Variants in GMDS observed in about 807,000 individuals in gnomAD.
GMDS encodes GDP-mannose 4,6 dehydratase.
In GMDS, 20 loss-of-function variants were observed where a neutral mutation model predicts 49.9. The observed-to-expected ratio is 0.40, with a 90% CI of 0.28 to 0.58. The LOEUF is 0.58. Ranked by LOEUF, GMDS falls within the 20% of genes least tolerant of loss-of-function variation. The pLI, the probability that GMDS is intolerant of heterozygous loss-of-function variation, is 0.42. For synonymous variants in GMDS, 177 were observed against 178.6 expected (o/e 0.99, Z 0.07); for missense variants, 362 against 481.4 (o/e 0.75, Z 2.32).
intron 1 of GMDS, among the ~76,000 whole-genome samples, chr6:2,202,435 A>T (rs68131824): frequency 0.036 from 1,123 of 31,126 alleles, 6 homozygotes; most frequent in Non-Finnish European, 0.063. Context: ...ATTTCTTTCT[A>T]TTTTTTTTTT....
chr6:2,141,113 T>TA (rs1776264198), intron 1 of GMDS, among the ~76,000 whole-genome samples: 1 of 152,194 alleles, frequency 6.6e-6, no homozygotes, highest in African/African-American at 2.4e-5. Flanking sequence ...GGCTAAAATA[T>TA]ATTGTTAATA....
intron 9 of GMDS, among the ~76,000 whole-genome samples, chr6:1,702,923 T>G (rs1254801061): frequency 6.6e-6 from 1 of 152,220 alleles, no homozygotes; most frequent in Non-Finnish European, 1.5e-5. Flanking sequence ...TGTTGACTTA[T>G]GACTGCTGGG....
Position 1,906,757 on chromosome 6 carries a change from G to A in GMDS, c.771+23346C>T, listed in dbSNP as rs115784184. Reference sequence around the variant, plus strand: ...GCAGGGAGGGAGGACAAGGAAAGGAGTAGGAGCTCTCCCATCTGGGAGCTA... The same window carrying A: ...GCAGGGAGGGAGGACAAGGAAAGGAATAGGAGCTCTCCCATCTGGGAGCTA... On this transcript the variant is annotated intron_variant, in intron 7 of 10. Transcript: ENST00000380815. Among the ~76,000 whole-genome samples, 968 of 152,294 alleles carry A rather than the reference G, an allele frequency of 6.4e-3. 8 individuals are homozygous for A. The highest frequency in any genetic ancestry group is 0.022 in the African/African-American group (927 of 41,556).
chr6:1,670,671 ATATATTCTTCCTAAGGTAATAGTTCAG>A (rs1764392421), intron 9 of GMDS, among the ~76,000 whole-genome samples: 1 of 152,230 alleles, frequency 6.6e-6, no homozygotes, highest in African/African-American at 2.4e-5. Flanking sequence ...CATGCTCTAA[ATATATTCTTCCTAAGGTAATAGTTCAG>A]TAGTGCTAGA....
At chr6:1,634,171 G>A (rs1466305812) in intron 9 of GMDS, among the ~76,000 whole-genome samples, 1 of 152,194 alleles carries the variant, frequency 6.6e-6, no homozygotes, top group Non-Finnish European at 1.5e-5. Flanking sequence ...GCTGGCCACT[G>A]CAGCGGGACT....
At chr6:1,981,109 A>G (rs1194515068) in intron 4 of GMDS, among the ~76,000 whole-genome samples, 1 of 152,046 alleles carries the variant, frequency 6.6e-6, no homozygotes, top group Non-Finnish European at 1.5e-5. Flanking sequence ...CAAATTAACA[A>G]CCTAACATCA....
intron 4 of GMDS, among the ~76,000 whole-genome samples, chr6:1,979,369 A>G (rs866544908): frequency 6.6e-6 from 1 of 152,380 alleles, no homozygotes; most frequent in Non-Finnish European, 1.5e-5. Flanking sequence ...GCTAAGCTAA[A>G]AAACATGCTA....
At chr6:1,838,173 T>A (rs544346965) in intron 7 of GMDS, among the ~76,000 whole-genome samples, 2 of 152,144 alleles carry the variant, frequency 1.3e-5, no homozygotes, top group Non-Finnish European at 2.9e-5. Flanking sequence ...CCAACTCAGC[T>A]CCTACAACAT....
intron 9 of GMDS, among the ~76,000 whole-genome samples, chr6:1,629,167 C>T (rs190770414): frequency 8.7e-4 from 132 of 152,312 alleles, no homozygotes; most frequent in African/African-American, 3.1e-3. Context: ...TTGCAATATA[C>T]GACATCTCTT....
At chr6:2,178,759 T>C (rs557235182) in intron 1 of GMDS, among the ~76,000 whole-genome samples, 1 of 152,330 alleles carries the variant, frequency 6.6e-6, no homozygotes, top group South Asian at 2.1e-4. Context: ...TGGCATTAAG[T>C]CAGGATTTAA....
chr6:1,998,703 A>T (rs1042087741), intron 4 of GMDS, among the ~76,000 whole-genome samples: 1 of 152,192 alleles, frequency 6.6e-6, no homozygotes, highest in Admixed American at 6.5e-5. Context: ...TAAGTTATCT[A>T]AGACGATTTG....
At chr6:2,142,251 T>C (rs916507009) in intron 1 of GMDS, among the ~76,000 whole-genome samples, 7 of 152,134 alleles carry the variant, frequency 4.6e-5, no homozygotes, top group African/African-American at 1.7e-4. Flanking sequence ...CGGGATCTGT[T>C]ATAGGTCGAA....
At chr6:1,624,254 A>T (rs1372487788) in intron 10 of GMDS, 23 bp from the exon 11 acceptor site, 1 of 1,607,278 alleles carries the variant, frequency 6.2e-7, no homozygotes, top group Non-Finnish European at 8.5e-7. Flanking sequence ...GGTGGGCGTG[A>T]GGGAGGAGCT....
chr6:1,683,231 C>T (rs926413784), intron 9 of GMDS, among the ~76,000 whole-genome samples: 2 of 152,188 alleles, frequency 1.3e-5, no homozygotes, highest in Admixed American at 6.5e-5. Flanking sequence ...TCACACCATT[C>T]TCCTGCCTCA....
chr6:2,046,502 T>C (rs1770022179), intron 4 of GMDS, among the ~76,000 whole-genome samples: 1 of 152,156 alleles, frequency 6.6e-6, no homozygotes, highest in Admixed American at 6.5e-5. Flanking sequence ...CTCTGTCACC[T>C]AGGTTGGAGG....
Position 1,865,300 on chromosome 6 carries a change from A to T in GMDS, c.771+64803T>A, listed in dbSNP as rs1010794023. 1.6e-4 allele frequency among the ~76,000 whole-genome samples: 24 copies of T among 152,218 alleles called. 1 individual carries two copies. The highest frequency in any genetic ancestry group is 5.8e-4 in the African/African-American group (24 of 41,458). On this transcript the variant is annotated intron_variant, in intron 7 of 10. Coordinates refer to ENST00000380815, the MANE Select transcript of GMDS (RefSeq NM_001500.4). The stretch of plus-strand genomic sequence containing the variant: ...GATTTGTAATAGCAGAAAAATTACT[A>T]CTAGGAATATTACAACTACTTGGTG...
At chr6:2,239,722 G>A (rs1423137007) in intron 1 of GMDS, among the ~76,000 whole-genome samples, 2 of 145,136 alleles carry the variant, frequency 1.4e-5, no homozygotes, top group Admixed American at 7.0e-5. Context: ...GTCTTGCTCT[G>A]TCGCCCAGGC....
At chr6:1,992,715 T>C (rs1322984870) in intron 4 of GMDS, among the ~76,000 whole-genome samples, 1 of 152,212 alleles carries the variant, frequency 6.6e-6, no homozygotes, top group Non-Finnish European at 1.5e-5. Flanking sequence ...CTTGCTGGCC[T>C]GTTGGCTTAT....
intron 4 of GMDS, among the ~76,000 whole-genome samples, chr6:2,074,833 G>C (rs1256628696): frequency 1.3e-5 from 2 of 151,948 alleles, no homozygotes; most frequent in African/African-American, 4.8e-5. Flanking sequence ...CTGGGAGAAA[G>C]TCAGGTCCAG....
Sources: allele counts gnomAD v4.1 joint callset (sites outside exome capture counted in the v4.1 genomes callset), GRCh38; gene constraint gnomAD v4.1.1; transcripts MANE v1.5; gene names NCBI Gene and HGNC (gene_info 2026-07-23, HGNC 2026-07-21).